LMOD1: variants seen among roughly 807,000 people sequenced by gnomAD.
The protein encoded by LMOD1 is leiomodin 1.
In LMOD1, 8 loss-of-function variants were observed where a neutral mutation model predicts 36.5. That is an observed-to-expected ratio of 0.22 (90% CI 0.13 to 0.40). The LOEUF is 0.40. LMOD1 is among the 10% of genes least tolerant of loss of function. LMOD1 has a pLI of 1.00. For synonymous variants in LMOD1, 284 were observed against 288.7 expected, an observed-to-expected ratio of 0.98 and a Z score of 0.17; for missense variants, 630 against 751.1, an observed-to-expected ratio of 0.84 and a Z score of 1.88.
chr1:201,924,953 A>T (rs1472155937), intron 1 of LMOD1, among the ~76,000 whole-genome samples: 2 of 151,992 alleles, frequency 1.3e-5, no homozygotes, highest in Non-Finnish European at 2.9e-5. Context: ...GGTGGCTCAT[A>T]CCTGTAGTCC....
intron 1 of LMOD1, among the ~76,000 whole-genome samples, chr1:201,907,254 A>G (rs1007077117): frequency 3.9e-5 from 6 of 152,082 alleles, no homozygotes; most frequent in Non-Finnish European, 8.8e-5. Flanking sequence ...GCACCTCTGA[A>G]CCTGTTGTCT....
At chr1:201,922,293 G>T (rs1681719425) in intron 1 of LMOD1, among the ~76,000 whole-genome samples, 1 of 152,106 alleles carries the variant, frequency 6.6e-6, no homozygotes, top group Admixed American at 6.6e-5. Flanking sequence ...CCACACAAAT[G>T]TTCACAGCAG....
At chr1:201,916,666 A>G (rs1681617085) in intron 1 of LMOD1, among the ~76,000 whole-genome samples, 1 of 151,804 alleles carries the variant, frequency 6.6e-6, no homozygotes, top group Admixed American at 6.6e-5. Flanking sequence ...GGGAGGAGGG[A>G]TGGATGGGGC....
chr1:201,909,522 G>A (rs2820319), intron 1 of LMOD1, among the ~76,000 whole-genome samples: 43,118 of 152,058 alleles, frequency 0.28, 6,443 homozygotes, highest in Non-Finnish European at 0.34. Flanking sequence ...TGGGATTACA[G>A]GTGTGAGCTG....
rs1482069319 is a variant in LMOD1, at chr1:201,896,708, C to T, written c.*1664G>A. 2 of 456,444 alleles carry T rather than the reference C, an allele frequency of 4.4e-6. No individual in the cohort carries two copies. Among genetic ancestry groups the T allele is most frequent in the African/African-American group, 4.0e-5 (2 of 50,046 alleles). The allele number at this position is 456,444 out of a possible 1,614,324, so 28.3% of individuals were successfully genotyped here. A position where few individuals can be genotyped will look rare whatever the true frequency, so the allele number is the denominator to read the frequency against. On this transcript the variant is annotated 3_prime_UTR_variant, in exon 3 of 3. Coordinates refer to ENST00000367288, the MANE Select transcript of LMOD1 (RefSeq NM_012134.3). ...GCTCATACCCTTTAGGTCCAGGAGC[C>T]AGTGTGTGTCTGTCTCCTCTCCTCT... is the stretch of plus-strand genomic sequence containing the variant.
At chr1:201,918,889 T>G (rs904404806) in intron 1 of LMOD1, among the ~76,000 whole-genome samples, 2 of 152,176 alleles carry the variant, frequency 1.3e-5, no homozygotes, top group African/African-American at 4.8e-5. Context: ...CATATTTCAG[T>G]GTGTACTCTA....
At chr1:201,901,580 ATATACATATATATATG>A (rs1681315515) in intron 1 of LMOD1, among the ~76,000 whole-genome samples, 1 of 18,200 alleles carries the variant, frequency 5.5e-5, no homozygotes, top group Admixed American at 8.9e-4. Context: ...ATATATATAT[ATATACATATATATATG>A]TATATATATA....
chr1:201,918,252 C>A (rs1370833870), intron 1 of LMOD1, among the ~76,000 whole-genome samples: 1 of 152,208 alleles, frequency 6.6e-6, no homozygotes, highest in Admixed American at 6.5e-5. Flanking sequence ...CCTAACATAG[C>A]TGAGATTAGC....
chr1:201,906,551 A>C (rs943721220), intron 1 of LMOD1, among the ~76,000 whole-genome samples: 9 of 152,294 alleles, frequency 5.9e-5, no homozygotes, highest in Non-Finnish European at 8.8e-5. Flanking sequence ...GGGCCTGTCA[A>C]AGGTCCCCTG....
chr1:201,933,595 T>TATATA (rs1437458163), intron 1 of LMOD1, among the ~76,000 whole-genome samples: 45 of 62,998 alleles, frequency 7.1e-4, no homozygotes, highest in Middle Eastern at 7.9e-3. Flanking sequence ...TATACATACA[T>TATATA]TATATATATA....
chr1:201,909,347 C>T (rs757709915), intron 1 of LMOD1, among the ~76,000 whole-genome samples: 32 of 152,238 alleles, frequency 2.1e-4, no homozygotes, highest in Non-Finnish European at 4.0e-4. Flanking sequence ...AGTGAAGAAA[C>T]CAGAGAAATT....
chr1:201,898,014 G>A lies in LMOD1; in HGVS notation c.*358C>T, dbSNP rs1681222684. ...GGCCCTGGAGGGCAGTGGGGCTGGG[G>A]TGGATGTGGTCCCTGTGGGACATCT... On this transcript the variant is annotated 3_prime_UTR_variant, in exon 3 of 3. Coordinates refer to ENST00000367288, the MANE Select transcript of LMOD1 (RefSeq NM_012134.3). 1.2e-5 allele frequency: 3 copies of A among 257,432 alleles called. No homozygotes were observed. The highest frequency in any genetic ancestry group is 1.4e-4 in the South Asian group (2 of 13,982). The allele number at this position is 257,432 out of a possible 1,614,324, so 15.9% of individuals were successfully genotyped here.
chr1:201,917,808 C>T (rs964635759), intron 1 of LMOD1, among the ~76,000 whole-genome samples: 1 of 152,156 alleles, frequency 6.6e-6, no homozygotes, highest in South Asian at 2.1e-4. Context: ...ACTTAGGTCC[C>T]GGAGGGTGGC....
intron 1 of LMOD1, among the ~76,000 whole-genome samples, chr1:201,918,211 T>A (rs530322620): frequency 3.2e-4 from 49 of 152,266 alleles, no homozygotes; most frequent in African/African-American, 1.1e-3. Flanking sequence ...CGCTTCCTTT[T>A]TCCCTCACCA....
At chr1:201,906,944 G>A (rs1681422009) in intron 1 of LMOD1, among the ~76,000 whole-genome samples, 1 of 152,158 alleles carries the variant, frequency 6.6e-6, no homozygotes, top group Non-Finnish European at 1.5e-5. Flanking sequence ...TGGATTCCTG[G>A]CACCAGCTGT....
Position 201,898,296 on chromosome 1 carries a change from G to T in LMOD1, c.*76C>A. 6.8e-7 allele frequency: 1 copy of T among 1,476,288 alleles called. No individual in the cohort carries two copies. Among genetic ancestry groups the T allele is most frequent in the Non-Finnish European group, 9.4e-7 (1 of 1,067,514 alleles). The allele number at this position is 1,476,288 out of a possible 1,614,324, so 91.4% of individuals were successfully genotyped here. ...CAGCAGGTCAGCCAGGGATGGGGTG[G>T]GCAGGGTCTGTGTAGCCCTGGGAGG... On this transcript the variant is annotated 3_prime_UTR_variant, in exon 3 of 3. Coordinates refer to ENST00000367288, the MANE Select transcript of LMOD1 (RefSeq NM_012134.3).
At chr1:201,920,049 T>C (rs955687711) in intron 1 of LMOD1, among the ~76,000 whole-genome samples, 74 of 113,394 alleles carry the variant, frequency 6.5e-4, no homozygotes, top group Non-Finnish European at 9.4e-4. Context: ...CTCTCTCTTT[T>C]TTTTTTTTTT....
chr1:201,898,511 T>A (rs1430664990), intron 2 of LMOD1, 113 bp from the exon 3 acceptor site: 1 of 923,300 alleles, frequency 1.1e-6, no homozygotes, highest in Non-Finnish European at 1.6e-6. Context: ...GGAATGTGAA[T>A]GAGGTGTTGA....
At position 201,899,774 on chromosome 1, in the gene LMOD1, C is replaced by T; in HGVS notation, c.1239G>A (p.Gln413=). 6.2e-7 allele frequency: 1 copy of T among 1,614,036 alleles called. No homozygotes were observed. Residue 413 remains glutamine, a synonymous_variant, in exon 2 of 3, where the codon CAG becomes CAA. Coordinates refer to ENST00000367288, the MANE Select transcript of LMOD1 (RefSeq NM_012134.3). This position sits in a 1 kb window ranked among gnomAD's most constrained non-coding sequence, Gnocchi z 6.3. Reference sequence around the variant, plus strand: ...AGCGGAGCTCGGTCAGCGTGTTGTTCTGGAGGAGGGCCCGGAAGATGGCCA... The same window carrying T: ...AGCGGAGCTCGGTCAGCGTGTTGTTTTGGAGGAGGGCCCGGAAGATGGCCA... The part of the protein sequence containing the change: ...GILAIFRALL[Q]NNTLTELRFH...
Sources: allele counts gnomAD v4.1 joint callset (sites outside exome capture counted in the v4.1 genomes callset), GRCh38; gene constraint gnomAD v4.1.1; non-coding constraint Gnocchi (gnomAD v3.1); transcripts MANE v1.5; gene names NCBI Gene and HGNC (gene_info 2026-07-23, HGNC 2026-07-21).